Variants in PDE4D observed in about 807,000 individuals in gnomAD.
PDE4D encodes phosphodiesterase 4D, also known as 3',5'-cyclic-AMP phosphodiesterase 4D.
PDE4D carries 24 observed loss-of-function variants against 87.4 expected under a neutral mutation model. The observed-to-expected ratio is 0.27, with a 90% CI of 0.20 to 0.39. The LOEUF is 0.39. PDE4D is among the 10% of genes least tolerant of loss of function. PDE4D has a pLI of 1.00. For missense variants in PDE4D, 714 were observed against 1,041.0 expected (o/e 0.69, Z 4.32); for synonymous variants, 384 against 383.2 (o/e 1.00, Z -0.02).
intron 1 of PDE4D, among the ~76,000 whole-genome samples, chr5:59,843,300 C>T (rs957936868): frequency 2.0e-5 from 3 of 151,932 alleles, no homozygotes; most frequent in African/African-American, 7.2e-5. Context: ...CAGTGGCCAA[C>T]TCTGACATTT....
At chr5:59,085,477 T>C (rs1475699614) in intron 5 of PDE4D, among the ~76,000 whole-genome samples, 1 of 152,180 alleles carries the variant, frequency 6.6e-6, no homozygotes, top group Non-Finnish European at 1.5e-5. Context: ...AGCCACTCAA[T>C]AAATATTTGT....
At chr5:59,213,733 A>G (rs1050322168) in intron 2 of PDE4D, among the ~76,000 whole-genome samples, 3 of 152,134 alleles carry the variant, frequency 2.0e-5, no homozygotes, top group African/African-American at 7.2e-5. Flanking sequence ...ACAACGCACC[A>G]CTCAACTGTC....
intron 3 of PDE4D, among the ~76,000 whole-genome samples, chr5:59,910,082 C>T (rs1328615352): frequency 2.6e-5 from 4 of 152,136 alleles, no homozygotes; most frequent in Non-Finnish European, 1.5e-5. Flanking sequence ...CTGCCTTCCT[C>T]GATCTTTCCT....
intron 1 of PDE4D, among the ~76,000 whole-genome samples, chr5:59,783,909 A>G (rs1764877881): frequency 6.6e-6 from 1 of 152,102 alleles, no homozygotes; most frequent in South Asian, 2.1e-4. Context: ...TCTACAAAAA[A>G]TTAGTGGGTA....
At chr5:59,717,102 C>T (rs72751231) in intron 1 of PDE4D, among the ~76,000 whole-genome samples, 28,420 of 152,090 alleles carry the variant, frequency 0.19, 3,198 homozygotes, top group South Asian at 0.26. Context: ...AAAACTGATG[C>T]GAATTCCTGA....
At chr5:60,213,559 G>A (rs1157676861) in intron 1 of PDE4D, among the ~76,000 whole-genome samples, 3 of 152,170 alleles carry the variant, frequency 2.0e-5, no homozygotes, top group South Asian at 4.1e-4. Flanking sequence ...GCAATTCTCT[G>A]TAAAAGCTAG....
chr5:59,247,315 G>A (rs1759037812), intron 1 of PDE4D, among the ~76,000 whole-genome samples: 1 of 152,126 alleles, frequency 6.6e-6, no homozygotes, highest in Admixed American at 6.6e-5. Context: ...TGAATTTCAG[G>A]AGGTGAGCTA....
intron 1 of PDE4D, among the ~76,000 whole-genome samples, chr5:60,497,329 T>TG (rs1749858419): frequency 2.0e-5 from 3 of 151,920 alleles, no homozygotes; most frequent in Non-Finnish European, 4.4e-5. Context: ...CAATGCTAAT[T>TG]GGGGGGTTAG....
intron 1 of PDE4D, among the ~76,000 whole-genome samples, chr5:59,769,406 T>C (rs186974667): frequency 9.2e-5 from 14 of 152,368 alleles, no homozygotes; most frequent in African/African-American, 3.4e-4. Flanking sequence ...ATAGTTTTCA[T>C]AAGAGTAGTT....
At chr5:59,107,859 T>C (rs1335678232) in intron 5 of PDE4D, among the ~76,000 whole-genome samples, 1 of 152,218 alleles carries the variant, frequency 6.6e-6, no homozygotes, top group Non-Finnish European at 1.5e-5. Context: ...TTGGCAGCCC[T>C]GAGTTGCCAG....
chr5:59,972,095 A>G (rs571195623), intron 3 of PDE4D, among the ~76,000 whole-genome samples: 48 of 152,172 alleles, frequency 3.2e-4, no homozygotes, highest in Non-Finnish European at 5.9e-4. Context: ...CGATAGTGGC[A>G]TATGTGATGG....
chr5:59,503,233 A>T (rs1808643496), intron 1 of PDE4D, among the ~76,000 whole-genome samples: 1 of 152,164 alleles, frequency 6.6e-6, no homozygotes, highest in Non-Finnish European at 1.5e-5. Context: ...GAGGTCCATC[A>T]TCTATAACTA....
chr5:59,275,853 A>G (rs1764697409), intron 1 of PDE4D: 7 of 985,892 alleles, frequency 7.1e-6, no homozygotes, highest in Non-Finnish European at 8.4e-6. Flanking sequence ...GTAACACGGG[A>G]GAGCTGTCAA....
At chr5:60,046,037 T>C (rs1191755246) in intron 2 of PDE4D, among the ~76,000 whole-genome samples, 3 of 152,308 alleles carry the variant, frequency 2.0e-5, no homozygotes, top group Admixed American at 2.0e-4. Context: ...CTCTTTTATT[T>C]CCTTGAGCAG....
At chr5:59,374,358 A>G (rs1784386408) in intron 1 of PDE4D, among the ~76,000 whole-genome samples, 1 of 152,182 alleles carries the variant, frequency 6.6e-6, no homozygotes, top group Non-Finnish European at 1.5e-5. Context: ...GAAAAACAGA[A>G]AAAAGCAGGG....
chr5:59,666,419 C>CA (rs937478567), intron 1 of PDE4D, among the ~76,000 whole-genome samples: 3 of 152,054 alleles, frequency 2.0e-5, no homozygotes, highest in African/African-American at 4.8e-5. Flanking sequence ...AACCAACAAA[C>CA]AAAAAATCTC....
intron 2 of PDE4D, among the ~76,000 whole-genome samples, chr5:59,991,839 T>G (rs1763035347): frequency 6.6e-6 from 1 of 152,194 alleles, no homozygotes; most frequent in African/African-American, 2.4e-5. Flanking sequence ...ATGACTTATG[T>G]GTTGTGATGG....
intron 1 of PDE4D, among the ~76,000 whole-genome samples, chr5:60,221,225 G>A (rs150299141): frequency 1.2e-4 from 18 of 151,596 alleles, no homozygotes; most frequent in East Asian, 3.9e-4. Flanking sequence ...AATACCAAAC[G>A]TTCTTATTTA....
chr5:59,150,619 T>G, intron 5 of PDE4D, among the ~76,000 whole-genome samples: 1 of 152,172 alleles, frequency 6.6e-6, no homozygotes, highest in East Asian at 1.9e-4. Context: ...CTCAAAAAAG[T>G]ATTGTTTAAA....
Sources: gnomAD v4.1 joint callset for allele counts (sites outside exome capture counted in the v4.1 genomes callset) on GRCh38, gnomAD v4.1.1 for gene constraint, MANE v1.5 for transcripts, NCBI Gene and HGNC (gene_info 2026-07-23, HGNC 2026-07-21) for gene names.